UBR4: variants seen among roughly 807,000 people sequenced by gnomAD.
UBR4 encodes the protein ubiquitin protein ligase E3 component n-recognin 4, also known as E3 ubiquitin-protein ligase UBR4.
UBR4 carries 124 observed loss-of-function variants against 575.6 expected under a neutral mutation model. The observed-to-expected ratio is 0.22, with a 90% CI of 0.19 to 0.25. The LOEUF (loss-of-function observed/expected upper bound fraction) is 0.25. UBR4 is among the 10% of genes least tolerant of loss of function. The probability of loss-of-function intolerance (pLI) is 1.00; values close to 1 mark genes in which losing one functional copy is unlikely to be tolerated. For missense variants in UBR4, 4,818 were observed against 6,478.8 expected, an observed-to-expected ratio of 0.74 and a Z score of 8.80; for synonymous variants, 2,455 against 2,473.7, an observed-to-expected ratio of 0.99 and a Z score of 0.22.
chr1:19,117,490 C>A lies in UBR4; in HGVS notation c.10630-76G>T, dbSNP rs2080677668. 1.4e-6 allele frequency: 2 copies of A among 1,441,434 alleles called. No homozygotes were observed. The highest frequency in any genetic ancestry group is 1.2e-5 in the South Asian group (1 of 80,350). 89.3% of individuals were successfully genotyped at this position (1,441,434 alleles called of 1,614,324 possible). A position where few individuals can be genotyped will look rare whatever the true frequency, so the allele number is the denominator to read the frequency against. ...CTTTTTAAAAATTCATCAGTGTAAC[C>A]CACTCTTCATCCACAAGATGAAGTT... On this transcript the variant is annotated intron_variant, in intron 72 of 105. Transcript: ENST00000375254. This position sits in a 1 kb window ranked among gnomAD's most constrained non-coding sequence, Gnocchi z 4.0.
intron 105 of UBR4, 127 bp downstream of exon 105, chr1:19,076,613 G>C: frequency 7.8e-7 from 1 of 1,275,286 alleles, no homozygotes; most frequent in East Asian, 2.3e-5. Flanking sequence ...GGCTTTCAGT[G>C]GCAGCTGACA....
chr1:19,184,114 T>C lies in UBR4; in HGVS notation c.2000A>G (p.Asn667Ser). 1 of 1,614,216 alleles carries C rather than the reference T, an allele frequency of 6.2e-7. No individual in the cohort carries two copies. The highest frequency in any genetic ancestry group is 8.5e-7 in the Non-Finnish European group (1 of 1,180,032). Residue 667 changes from asparagine to serine, a missense_variant, in exon 16 of 106, where the codon AAC (asparagine) becomes AGC (serine). This residue lies in a region of UBR4 where 1,172 missense variants were observed against 1,259.7 expected (regional missense o/e 0.93). Transcript: ENST00000375254. ...FITSSMLNSR[N>S]NFIRNYLSVS... Reference sequence around the variant, plus strand: ...ACTCAGATAGTTTCGGATAAAATTGTTCCGAGAGTTCAGCATGGAAGAGGT... The same window carrying C: ...ACTCAGATAGTTTCGGATAAAATTGCTCCGAGAGTTCAGCATGGAAGAGGT...
At chr1:19,176,238 C>T (rs2090247636) in intron 20 of UBR4, among the ~76,000 whole-genome samples, 1 of 152,112 alleles carries the variant, frequency 6.6e-6, no homozygotes, top group Non-Finnish European at 1.5e-5. Context: ...CAGGTAGGCA[C>T]CACCAAGCCT....
At chr1:19,114,143 A>T in intron 75 of UBR4, 73 bp from the exon 76 acceptor site, 1 of 1,560,578 alleles carries the variant, frequency 6.4e-7, no homozygotes, top group Non-Finnish European at 8.7e-7. Context: ...CCTCACTGCT[A>T]ACCATTTACC....
chr1:19,186,749 T>C (rs1005027219), intron 13 of UBR4, 92 bp from the exon 14 acceptor site: 1 of 1,282,998 alleles, frequency 7.8e-7, no homozygotes, highest in East Asian at 2.4e-5. Flanking sequence ...TATTTTTTCC[T>C]AAATCCAAGA....
intron 1 of UBR4, among the ~76,000 whole-genome samples, chr1:19,206,502 T>C (rs533392229): frequency 1.0e-3 from 159 of 152,258 alleles, no homozygotes; most frequent in African/African-American, 3.7e-3. Context: ...GCCCAGCTAA[T>C]TTTTTGTATT....
rs16862542 is a variant in UBR4, at chr1:19,109,180, C to G, written c.12105+916G>C. Among the ~76,000 whole-genome samples, 728 of 152,334 alleles carry G rather than the reference C, an allele frequency of 4.8e-3. 19 individuals are homozygous for G. The East Asian group carries it at 0.067, about 14-fold the overall frequency. Reference sequence around the variant, plus strand: ...AAAAGGGATGGCCCATCAGACAGAACAGGAGTCAGAAGGACCCAAGGCCCA... The same window carrying G: ...AAAAGGGATGGCCCATCAGACAGAAGAGGAGTCAGAAGGACCCAAGGCCCA... On this transcript the variant is annotated intron_variant, in intron 81 of 105. Transcript: ENST00000375254.
chr1:19,087,279 G>T (rs1469863952), intron 99 of UBR4, among the ~76,000 whole-genome samples: 1 of 152,260 alleles, frequency 6.6e-6, no homozygotes. Context: ...GTTCCAGCTG[G>T]AAAGAAGAGG....
intron 22 of UBR4, 98 bp from the exon 23 acceptor site, chr1:19,173,719 CTG>C (rs756719423): frequency 2.6e-6 from 3 of 1,169,656 alleles, no homozygotes; most frequent in Non-Finnish European, 3.7e-6. Context: ...TAAACCAGAA[CTG>C]TATAGAGTCC....
chr1:19,094,805 A>G, intron 94 of UBR4, 101 bp downstream of exon 94: 1 of 1,490,300 alleles, frequency 6.7e-7, no homozygotes, highest in Non-Finnish European at 9.0e-7. Context: ...AGGCTCCGCC[A>G]TTCTCAGGTG....
intron 60 of UBR4, 68 bp from the exon 61 acceptor site, chr1:19,129,142 C>T: frequency 1.5e-6 from 2 of 1,314,382 alleles, no homozygotes; most frequent in African/African-American, 2.9e-5. Context: ...AATACAGTTC[C>T]CTCCCCAACC....
At chr1:19,081,097 C>G (rs1385176612) in intron 103 of UBR4, 1 of 425,954 alleles carries the variant, frequency 2.3e-6, no homozygotes, top group African/African-American at 2.0e-5. Context: ...GGCTGCCTTC[C>G]TAACATTTTC....
chr1:19,210,195 G>A lies in UBR4; in HGVS notation c.54C>T (p.Thr18=). 6.8e-7 allele frequency: 1 copy of A among 1,477,202 alleles called. No individual in the cohort carries two copies. Among genetic ancestry groups the A allele is most frequent in the Non-Finnish European group, 8.9e-7 (1 of 1,119,040 alleles). 91.5% of individuals were successfully genotyped at this position (1,477,202 alleles called of 1,614,324 possible). The part of the protein sequence containing the change: ...EAAAAAPAPG[T]PATGADTTPG... ...GGGTCGTGTCCGCCCCCGTTGCCGGGGTCCCCGGCGCCGGAGCCGCTGCCG... is the reference window on the plus strand; with the variant it reads ...GGGTCGTGTCCGCCCCCGTTGCCGGAGTCCCCGGCGCCGGAGCCGCTGCCG... The change falls in exon 1 of 106, where the codon ACC becomes ACT. Residue 18 remains threonine (T), a synonymous_variant. Coordinates refer to ENST00000375254, the MANE Select transcript of UBR4 (RefSeq NM_020765.3).
At chr1:19,191,078 AC>A (rs1404510312) in intron 11 of UBR4, among the ~76,000 whole-genome samples, 1 of 152,084 alleles carries the variant, frequency 6.6e-6, no homozygotes, top group African/African-American at 2.4e-5. Context: ...GAACAATTCT[AC>A]CCCAAATACT....
rs12126114 is a variant in UBR4, at chr1:19,084,260, C to A, written c.15008+244G>T. Among the ~76,000 whole-genome samples the A allele has an allele frequency of 9.2e-5, 14 of 152,278 alleles. No homozygotes were observed. The East Asian group carries it at 2.7e-3, about 29-fold the overall frequency. The stretch of plus-strand genomic sequence containing the variant: ...TGAGCTGAACGTCAGTCCAAGGATG[C>A]GGTCTTGGGCTGCCCATGGTGGGAG... On this transcript the variant is annotated intron_variant, in intron 102 of 105. Coordinates refer to ENST00000375254, the MANE Select transcript of UBR4 (RefSeq NM_020765.3).
intron 70 of UBR4, 38 bp from the exon 71 acceptor site, chr1:19,118,995 A>C: frequency 1.3e-6 from 2 of 1,599,144 alleles, no homozygotes; most frequent in East Asian, 2.2e-5. Flanking sequence ...CTTAAAGCCC[A>C]AGGTGAAGTC....
chr1:19,119,244 T>A (rs969774134), intron 70 of UBR4, among the ~76,000 whole-genome samples: 2 of 152,206 alleles, frequency 1.3e-5, no homozygotes, highest in African/African-American at 4.8e-5. Flanking sequence ...TGCAGAAACA[T>A]TTTCTGGTAT....
At chr1:19,166,885 G>A in intron 29 of UBR4, 137 bp downstream of exon 29, 1 of 985,726 alleles carries the variant, frequency 1.0e-6, no homozygotes, top group South Asian at 1.7e-5. Flanking sequence ...GACAGAGCGA[G>A]ACCATGTCTC....
Position 19,151,846 on chromosome 1 carries a change from G to A in UBR4, c.7010C>T (p.Thr2337Ile). 1 of 1,602,502 alleles carries A rather than the reference G, an allele frequency of 6.2e-7. No individual in the cohort carries two copies. The highest frequency in any genetic ancestry group is 8.5e-7 in the Non-Finnish European group (1 of 1,173,162). ...YVANTKPGGFTIEISNNNSTM... is the reference protein window; with the variant it reads ...YVANTKPGGFIIEISNNNSTM... ...GCTATTGTTGTTACTAATCTCAATG[G>A]TGAAGCCTCCGGGCTGTAGGGAGAC... is the stretch of plus-strand genomic sequence containing the variant. Residue 2337 changes from threonine (T) to isoleucine (I), a missense_variant, in exon 48 of 106, where the codon ACC (threonine) becomes ATC (isoleucine). Transcript: ENST00000375254.
Sources: gnomAD v4.1 joint callset for allele counts (sites outside exome capture counted in the v4.1 genomes callset) on GRCh38, gnomAD v4.1.1 for gene constraint, gnomAD v4.1.1 regional missense constraint, Gnocchi (gnomAD v3.1) non-coding constraint, MANE v1.5 for transcripts, NCBI Gene and HGNC (gene_info 2026-07-23, HGNC 2026-07-21) for gene names.